Variants in THSD7B observed in about 807,000 individuals in gnomAD.
THSD7B encodes the protein thrombospondin type 1 domain containing 7B, also known as thrombospondin type-1 domain-containing protein 7B.
Under a neutral mutation model 213.6 loss-of-function variants are expected in THSD7B, and 138 were observed. The observed-to-expected ratio is 0.65, with a 90% CI of 0.56 to 0.74. The LOEUF (loss-of-function observed/expected upper bound fraction) is 0.74, where lower values mean the gene tolerates loss of function less well. Ranked by LOEUF, THSD7B falls within the 30% of genes least tolerant of loss-of-function variation. The probability of loss-of-function intolerance (pLI) is 0.00; values close to 1 mark genes in which losing one functional copy is unlikely to be tolerated. For missense variants in THSD7B, 1,931 were observed against 1,991.5 expected, an observed-to-expected ratio of 0.97 and a Z score of 0.58; for synonymous variants, 742 against 687.0, an observed-to-expected ratio of 1.08 and a Z score of -1.25.
At position 137,082,985 on chromosome 2, in the gene THSD7B, CTT is replaced by C. The variant is rs1267005712; in HGVS notation, c.951-11886_951-11885del. On this transcript the variant is annotated intron_variant, in intron 3 of 27. Coordinates refer to ENST00000409968, the MANE Select transcript of THSD7B (RefSeq NM_001316349.2). The stretch of plus-strand genomic sequence containing the variant: ...TATCTCTATATCTGTAGAACAATCT[CTT>C]TATTCCACAGAAGCAACTGAATGGC... Among the ~76,000 whole-genome samples, 5 of 152,204 alleles carry C rather than the reference CTT, an allele frequency of 3.3e-5. No homozygotes were observed. In the South Asian group the frequency reaches 8.3e-4, roughly 25 times the overall value.
At chr2:136,921,837 C>T (rs904667588) in intron 2 of THSD7B, among the ~76,000 whole-genome samples, 3 of 152,168 alleles carry the variant, frequency 2.0e-5, no homozygotes, top group South Asian at 2.1e-4. Context: ...TGTGGAAGCT[C>T]AGATGAATCC....
chr2:137,069,515 C>G (rs1352927725), intron 3 of THSD7B, among the ~76,000 whole-genome samples: 1 of 151,938 alleles, frequency 6.6e-6, no homozygotes, highest in Non-Finnish European at 1.5e-5. Context: ...CTTTTAAGAG[C>G]TATGATTATT....
intron 2 of THSD7B, among the ~76,000 whole-genome samples, chr2:136,885,011 G>A (rs1260152431): frequency 1.3e-5 from 2 of 151,974 alleles, no homozygotes; most frequent in Non-Finnish European, 2.9e-5. Flanking sequence ...ACCTATTTAC[G>A]GATGAGTTTA....
intron 1 of THSD7B, among the ~76,000 whole-genome samples, chr2:136,803,180 TAA>T (rs1558810314): frequency 6.6e-6 from 1 of 151,990 alleles, no homozygotes; most frequent in Non-Finnish European, 1.5e-5. Context: ...CACATATATA[TAA>T]GACTGTTTAT....
intron 5 of THSD7B, among the ~76,000 whole-genome samples, chr2:137,134,642 G>A (rs1036718974): frequency 3.3e-5 from 5 of 152,138 alleles, no homozygotes; most frequent in South Asian, 2.1e-4. Context: ...AAAGGGAAAC[G>A]GCAAACCTGT....
chr2:137,332,609 G>C (rs551226937), intron 12 of THSD7B, among the ~76,000 whole-genome samples: 37 of 152,258 alleles, frequency 2.4e-4, no homozygotes, highest in African/African-American at 7.2e-4. Context: ...TGAGGAGCCA[G>C]GGGTGGAATG....
intron 7 of THSD7B, among the ~76,000 whole-genome samples, chr2:137,206,983 G>A (rs1680997889): frequency 6.6e-6 from 1 of 152,054 alleles, no homozygotes; most frequent in Non-Finnish European, 1.5e-5. Flanking sequence ...GATCAGGTGA[G>A]GCTTGTGGAA....
chr2:137,272,598 G>A lies in THSD7B; in HGVS notation c.2332G>A (p.Glu778Lys), dbSNP rs1377281593. 6.2e-6 allele frequency: 10 copies of A among 1,612,236 alleles called. No individual in the cohort carries two copies. In the South Asian group the frequency reaches 7.7e-5, roughly 12 times the overall value. ...IIQEAANGGQ[E>K]CPDTLYEERE... is the part of the protein sequence containing the mutation. ...CCAAGAAGCAGCCAATGGAGGCCAG[G>A]AATGCCCAGATACCTTATATGAGGA... The change falls in exon 11 of 28, where the codon GAA becomes AAA. Residue 778 changes from glutamate (E) to lysine (K), a missense_variant. Coordinates refer to ENST00000409968, the MANE Select transcript of THSD7B (RefSeq NM_001316349.2).
intron 14 of THSD7B, among the ~76,000 whole-genome samples, chr2:137,428,372 T>G (rs1337812067): frequency 6.6e-6 from 1 of 152,204 alleles, no homozygotes; most frequent in Non-Finnish European, 1.5e-5. Context: ...ATGATTCAGC[T>G]GCTTTGAAAA....
At chr2:137,478,967 C>T (rs910910195) in intron 15 of THSD7B, among the ~76,000 whole-genome samples, 3 of 152,082 alleles carry the variant, frequency 2.0e-5, no homozygotes, top group African/African-American at 7.2e-5. Context: ...TGTCCTTTGC[C>T]CCAGGGAAGC....
chr2:137,197,168 G>A (rs1680780942), intron 7 of THSD7B, among the ~76,000 whole-genome samples: 1 of 152,202 alleles, frequency 6.6e-6, no homozygotes, highest in Non-Finnish European at 1.5e-5. Flanking sequence ...GATTTGGGAT[G>A]TGCTACTGAG....
chr2:136,874,665 C>CT (rs1382184461), intron 1 of THSD7B, among the ~76,000 whole-genome samples: 1 of 152,118 alleles, frequency 6.6e-6, no homozygotes, highest in Non-Finnish European at 1.5e-5. Context: ...GTGTGAGGCA[C>CT]TTTTTTTTAT....
chr2:137,358,853 C>T (rs979938090), intron 12 of THSD7B, among the ~76,000 whole-genome samples: 4 of 152,148 alleles, frequency 2.6e-5, no homozygotes, highest in African/African-American at 9.7e-5. Flanking sequence ...TTATCACAAC[C>T]TGGGTTTGGA....
intron 2 of THSD7B, among the ~76,000 whole-genome samples, chr2:137,021,667 A>G (rs1157409344): frequency 6.6e-6 from 1 of 152,186 alleles, no homozygotes; most frequent in African/African-American, 2.4e-5. Flanking sequence ...CAAACATGAT[A>G]TTGACATTGA....
chr2:136,868,120 GCACACACA>G (rs10671218), intron 1 of THSD7B, among the ~76,000 whole-genome samples: 131 of 149,258 alleles, frequency 8.8e-4, no homozygotes, highest in African/African-American at 2.9e-3. Flanking sequence ...ACACGCGCGC[GCACACACA>G]CACACACACA....
chr2:136,780,059 T>C (rs1055606882), intron 1 of THSD7B, among the ~76,000 whole-genome samples: 3 of 152,176 alleles, frequency 2.0e-5, no homozygotes, highest in South Asian at 4.1e-4. Flanking sequence ...TGTGTGTCTA[T>C]GTGTGTTTGT....
chr2:137,332,123 C>T (rs539674497), intron 12 of THSD7B, among the ~76,000 whole-genome samples: 3 of 152,062 alleles, frequency 2.0e-5, no homozygotes, highest in African/African-American at 7.2e-5. Flanking sequence ...GAGGAGGCAC[C>T]GAGAGCGAGC....
intron 1 of THSD7B, among the ~76,000 whole-genome samples, chr2:136,831,317 T>A (rs1017345808): frequency 6.6e-6 from 1 of 152,154 alleles, no homozygotes. Context: ...CTCCTTCATC[T>A]CTTTATTTGA....
chr2:137,007,742 T>A (rs1192797829), intron 2 of THSD7B, among the ~76,000 whole-genome samples: 1 of 152,140 alleles, frequency 6.6e-6, no homozygotes, highest in Non-Finnish European at 1.5e-5. Flanking sequence ...TATACAACAG[T>A]AATGTTTCTA....
Sources: allele counts gnomAD v4.1 joint callset (sites outside exome capture counted in the v4.1 genomes callset), GRCh38; gene constraint gnomAD v4.1.1; transcripts MANE v1.5; gene names NCBI Gene and HGNC (gene_info 2026-07-23, HGNC 2026-07-21).